Variants in PPP4R2 observed in about 807,000 individuals in gnomAD.
PPP4R2 encodes the protein protein phosphatase 4 regulatory subunit 2, also known as serine/threonine-protein phosphatase 4 regulatory subunit 2.
PPP4R2 carries 13 observed loss-of-function variants against 47.2 expected under a neutral mutation model. The observed-to-expected ratio is 0.28, with a 90% CI of 0.18 to 0.44. The LOEUF (loss-of-function observed/expected upper bound fraction) is 0.44. Among genes scored for constraint, PPP4R2 ranks in the 20% least tolerant of loss-of-function variants. PPP4R2 has a pLI of 1.00. For synonymous variants in PPP4R2, 151 were observed against 163.3 expected (o/e 0.92, Z 0.57); for missense variants, 421 against 491.2 (o/e 0.86, Z 1.35).
At chr3:73,051,050 G>A (rs1253662895) in intron 3 of PPP4R2, among the ~76,000 whole-genome samples, 2 of 152,134 alleles carry the variant, frequency 1.3e-5, no homozygotes, top group African/African-American at 4.8e-5. Flanking sequence ...GAGTAGCCGC[G>A]TTTACTGGCA....
chr3:73,021,844 C>CTG (rs1172743928), intron 2 of PPP4R2, among the ~76,000 whole-genome samples: 68 of 137,368 alleles, frequency 5.0e-4, no homozygotes, highest in East Asian at 4.0e-3. Context: ...TATTACATTT[C>CTG]TATATGTGTG....
chr3:73,007,172 G>A (rs1701625947), intron 2 of PPP4R2, among the ~76,000 whole-genome samples: 1 of 152,182 alleles, frequency 6.6e-6, no homozygotes, highest in Admixed American at 6.5e-5. Flanking sequence ...AGTGTGGGCA[G>A]GCAATACATA....
At chr3:73,010,860 C>A (rs2107224658) in intron 2 of PPP4R2, among the ~76,000 whole-genome samples, 1 of 152,276 alleles carries the variant, frequency 6.6e-6, no homozygotes, top group South Asian at 2.1e-4. Flanking sequence ...TCCTAAATGG[C>A]AAATATTTAA....
chr3:73,049,499 A>C (rs1331371408), intron 3 of PPP4R2, among the ~76,000 whole-genome samples: 1 of 151,096 alleles, frequency 6.6e-6, no homozygotes, highest in Non-Finnish European at 1.5e-5. Flanking sequence ...ACTCCATCTC[A>C]AAAAAAAAGA....
At chr3:73,044,383 G>A (rs1010338260) in intron 2 of PPP4R2, among the ~76,000 whole-genome samples, 7 of 152,066 alleles carry the variant, frequency 4.6e-5, no homozygotes, top group Non-Finnish European at 4.4e-5. Context: ...TCAGGAGTTC[G>A]AGACCAGCCT....
intron 3 of PPP4R2, among the ~76,000 whole-genome samples, chr3:73,051,562 T>A (rs997927260): frequency 1.3e-5 from 2 of 152,214 alleles, no homozygotes; most frequent in Admixed American, 6.5e-5. Flanking sequence ...TTCCTAGTAT[T>A]TTGCCGTAAG....
chr3:73,063,890 G>A, intron 6 of PPP4R2, 113 bp from the exon 7 acceptor site: 4 of 1,169,404 alleles, frequency 3.4e-6, no homozygotes, highest in Non-Finnish European at 3.7e-6. Context: ...GTAAGGCATG[G>A]GCCTGAAAAC....
intron 5 of PPP4R2, chr3:73,062,240 G>C (rs1374595572): frequency 1.3e-6 from 2 of 1,598,118 alleles, no homozygotes; most frequent in Non-Finnish European, 1.7e-6. Context: ...ATCTAAGAAA[G>C]GACTCACAGC....
intron 2 of PPP4R2, among the ~76,000 whole-genome samples, chr3:72,999,575 A>G (rs1701418364): frequency 6.6e-6 from 1 of 152,252 alleles, no homozygotes; most frequent in Admixed American, 6.5e-5. Context: ...TCAGGTTTGT[A>G]CACACTGCTT....
At chr3:73,062,658 A>G (rs2231926) in intron 5 of PPP4R2, 833,216 of 1,613,610 alleles carry the variant, frequency 0.52, 217,093 homozygotes, top group African/African-American at 0.62. Context: ...TTTGATAGGC[A>G]TTGCGGCTGG....
At chr3:73,035,028 A>G (rs146356324) in intron 2 of PPP4R2, among the ~76,000 whole-genome samples, 3 of 152,164 alleles carry the variant, frequency 2.0e-5, no homozygotes, top group Admixed American at 2.0e-4. Flanking sequence ...ATATTTGCCA[A>G]CTATCTTTCT....
chr3:73,044,220 TTTGTTG>T (rs35270798), intron 2 of PPP4R2, among the ~76,000 whole-genome samples: 2 of 150,856 alleles, frequency 1.3e-5, no homozygotes, highest in African/African-American at 2.4e-5. Context: ...TTTCATAATT[TTTGTTG>T]TTGTTGTTGT....
intron 3 of PPP4R2, among the ~76,000 whole-genome samples, chr3:73,048,309 G>A (rs917584512): frequency 6.6e-6 from 1 of 152,238 alleles, no homozygotes; most frequent in Non-Finnish European, 1.5e-5. Flanking sequence ...GTGGAGTGCA[G>A]TGGCATGATC....
At chr3:72,997,096 T>C in intron 1 of PPP4R2, 25 bp downstream of exon 1, 1 of 1,362,924 alleles carries the variant, frequency 7.3e-7, no homozygotes. Context: ...CCCCTCTCCA[T>C]TCCCCCTCAC....
intron 2 of PPP4R2, among the ~76,000 whole-genome samples, chr3:72,998,738 A>C (rs374626113): frequency 1.3e-5 from 2 of 152,290 alleles, no homozygotes; most frequent in South Asian, 2.1e-4. Context: ...CTCGTTTCCA[A>C]ATGTTCTGAA....
intron 2 of PPP4R2, among the ~76,000 whole-genome samples, chr3:73,042,482 A>C (rs754884763): frequency 6.8e-6 from 1 of 147,516 alleles, no homozygotes; most frequent in Non-Finnish European, 1.5e-5. Context: ...CTCCTGTCTC[A>C]GCCTCCCGAG....
intron 4 of PPP4R2, among the ~76,000 whole-genome samples, 192 bp from the exon 5 acceptor site, chr3:73,060,831 C>T (rs1702843133): frequency 6.6e-6 from 1 of 151,880 alleles, no homozygotes; most frequent in Admixed American, 6.6e-5. Context: ...GTAGGATATT[C>T]TCTTTTGGTC....
intron 3 of PPP4R2, among the ~76,000 whole-genome samples, chr3:73,051,003 C>G (rs11128306): frequency 1.3e-5 from 2 of 152,004 alleles, no homozygotes; most frequent in East Asian, 3.9e-4. Context: ...CATCCTCCCC[C>G]TCCTGGGTTC....
At position 73,067,215 on chromosome 3, in the gene PPP4R2, A is replaced by G. The variant is rs1262656013; in HGVS notation, c.*1493A>G. The stretch of plus-strand genomic sequence containing the variant: ...GAAATATTTGACTACATTTTTATCA[A>G]AATATGAAAGAATCCCCCCTTTTTT... On this transcript the variant is annotated 3_prime_UTR_variant, in exon 9 of 9. Coordinates refer to ENST00000356692, the MANE Select transcript of PPP4R2 (RefSeq NM_174907.4). The G allele has an allele frequency of 6.6e-6, 1 of 152,146 alleles. No individual in the cohort carries two copies. Among genetic ancestry groups the G allele is most frequent in the Non-Finnish European group, 1.5e-5 (1 of 67,960 alleles). 9.4% of individuals were successfully genotyped at this position (152,146 alleles called of 1,614,324 possible). A position where few individuals can be genotyped will look rare whatever the true frequency, so the allele number is the denominator to read the frequency against.
Sources: gnomAD v4.1 joint callset for allele counts (sites outside exome capture counted in the v4.1 genomes callset) on GRCh38, gnomAD v4.1.1 for gene constraint, MANE v1.5 for transcripts, NCBI Gene and HGNC (gene_info 2026-07-23, HGNC 2026-07-21) for gene names.